The following ZSCAN9 variants were observed in gnomAD, a reference collection of about 807,000 sequenced individuals.
ZSCAN9 encodes zinc finger and SCAN domain containing 9.
Under a neutral mutation model 23.0 loss-of-function variants are expected in ZSCAN9, and 19 were observed. The observed-to-expected ratio is 0.83, with a 90% CI of 0.58 to 1.21. The LOEUF (loss-of-function observed/expected upper bound fraction) is 1.21. ZSCAN9 is among the 50% of genes most tolerant of loss of function. The pLI is 0.00. For synonymous variants in ZSCAN9, 155 were observed against 164.8 expected (o/e 0.94, Z 0.46); for missense variants, 467 against 471.5 (o/e 0.99, Z 0.09).
At chr6:28,226,486 C>T (rs1760119642) in intron 1 of ZSCAN9, among the ~76,000 whole-genome samples, 1 of 152,182 alleles carries the variant, frequency 6.6e-6, no homozygotes. Flanking sequence ...TCTGAGTGAT[C>T]GGTGCAGTCC....
Position 28,227,298 on chromosome 6 carries a change from C to T in ZSCAN9, c.214C>T (p.Arg72Ter), listed in dbSNP as rs774966792. The T allele has an allele frequency of 1.5e-5, 25 of 1,614,128 alleles. No homozygotes were observed. Among genetic ancestry groups the T allele is most frequent in the East Asian group, 6.7e-5 (3 of 44,898 alleles). Residue 72 changes from arginine (R) to a stop codon, truncating the protein, a stop_gained, in exon 2 of 4, where the codon CGA (arginine) becomes TGA (stop). Coordinates refer to ENST00000252207, the MANE Select transcript of ZSCAN9 (RefSeq NM_006299.5). LOFTEE classifies it high-confidence loss of function. ...ETPGPREALT[R>*]LQELCYQWLR... ...CCCTGGACCAAGGGAGGCTCTTACT[C>T]GACTCCAGGAACTTTGCTACCAGTG... is the stretch of plus-strand genomic sequence containing the variant.
intron 1 of ZSCAN9, chr6:28,226,792 T>A (rs1354045075): frequency 5.0e-6 from 1 of 198,342 alleles, no homozygotes; most frequent in East Asian, 1.2e-4. Flanking sequence ...AATTCCCCAT[T>A]TAAAAAAAAA....
rs989304774 is a variant in ZSCAN9 at position 28,228,088 on chromosome 6, G to A, written c.568+251G>A. 30 of 687,486 alleles carry A rather than the reference G, an allele frequency of 4.4e-5. No individual in the cohort carries two copies. In the African/African-American group the frequency reaches 4.6e-4, roughly 11 times the overall value. 42.6% of individuals were successfully genotyped at this position (687,486 alleles called of 1,614,324 possible). On this transcript the variant is annotated intron_variant, in intron 3 of 3. Transcript: ENST00000252207. ...TACATGAGGAAGGCTTTCAGGGATC[G>A]CTGTGGAGCACAGCTTCAGAGAATG...
chr6:28,232,659 G>A lies in ZSCAN9; in HGVS notation c.666G>A (p.Trp222Ter). 1 of 1,614,148 alleles carries A rather than the reference G, an allele frequency of 6.2e-7. No individual in the cohort carries two copies. The highest frequency in any genetic ancestry group is 8.5e-7 in the Non-Finnish European group (1 of 1,180,020). ...PHGKMFNEQTWEVSQQDPSHG... is the reference protein window; with the variant it reads ...PHGKMFNEQT Reference sequence around the variant, plus strand: ...GGAAAATGTTTAATGAGCAGACCTGGGAGGTATCACAGCAGGATCCCTCAC... The same window carrying A: ...GGAAAATGTTTAATGAGCAGACCTGAGAGGTATCACAGCAGGATCCCTCAC... Residue 222 changes from tryptophan to a stop codon, truncating the protein, a stop_gained, in exon 4 of 4, where the codon TGG becomes TGA. Coordinates refer to ENST00000252207, the MANE Select transcript of ZSCAN9 (RefSeq NM_006299.5). LOFTEE classifies it low-confidence loss of function (END_TRUNC).
chr6:28,227,280 C>T lies in ZSCAN9; in HGVS notation c.196C>T (p.Pro66Ser). The T allele has an allele frequency of 6.2e-7, 1 of 1,614,194 alleles. No homozygotes were observed. The highest frequency in any genetic ancestry group is 1.3e-5 in the African/African-American group (1 of 75,062). ...GCTGTGCTACCAAGAGACCCCTGGA[C>T]CAAGGGAGGCTCTTACTCGACTCCA... ...RQLCYQETPG[P>S]REALTRLQEL... Residue 66 changes from proline to serine, a missense_variant, in exon 2 of 4, where the codon CCA becomes TCA. Coordinates refer to ENST00000252207, the MANE Select transcript of ZSCAN9 (RefSeq NM_006299.5).
intron 3 of ZSCAN9, among the ~76,000 whole-genome samples, chr6:28,231,730 CAAA>C (rs57266614): frequency 9.4e-5 from 9 of 95,358 alleles, no homozygotes; most frequent in Admixed American, 1.1e-4. Flanking sequence ...GACTCCGTCT[CAAA>C]AAAAAAAAAA....
chr6:28,227,891 A>G (rs1760169852), intron 3 of ZSCAN9, 54 bp downstream of exon 3: 16 of 1,602,066 alleles, frequency 1.0e-5, no homozygotes, highest in African/African-American at 1.3e-5. Context: ...TCAAGCAAAA[A>G]CAAACAATAA....
chr6:28,230,185 T>C (rs73400590), intron 3 of ZSCAN9: 6,977 of 686,448 alleles, frequency 0.01, 118 homozygotes, highest in African/African-American at 0.06. Context: ...TTTAAAGAGA[T>C]GGGATAATAA....
In ZSCAN9 at chr6:28,232,391, A is replaced by C. The variant is rs538412226; in HGVS notation, c.569-171A>C. 2.0e-5 allele frequency among the ~76,000 whole-genome samples: 3 copies of C among 152,332 alleles called. No homozygotes were observed. In the East Asian group the frequency reaches 5.8e-4, roughly 29 times the overall value. On this transcript the variant is annotated intron_variant, in intron 3 of 3. Transcript: ENST00000252207. The stretch of plus-strand genomic sequence containing the variant: ...TCTACATGGGGATGGACTGACCTGC[A>C]TTATGCCAAAGAGGGCAAACGTTCC...
In ZSCAN9 at chr6:28,233,477, C is replaced by A; in HGVS notation, c.*299C>A. The A allele has an allele frequency of 3.5e-6, 1 of 284,066 alleles. No homozygotes were observed. The highest frequency in any genetic ancestry group is 6.5e-6 in the Non-Finnish European group (1 of 154,984). The allele number at this position is 284,066 out of a possible 1,614,324, so 17.6% of individuals were successfully genotyped here. On this transcript the variant is annotated 3_prime_UTR_variant, in exon 4 of 4. Coordinates refer to ENST00000252207, the MANE Select transcript of ZSCAN9 (RefSeq NM_006299.5). Reference sequence around the variant, plus strand: ...TAATAAATGGCACTGCCACAGCCAACATGCCTGAAAGATTTGGTATCTGTG... The same window carrying A: ...TAATAAATGGCACTGCCACAGCCAAAATGCCTGAAAGATTTGGTATCTGTG...
At chr6:28,231,165 A>G (rs575826838) in intron 3 of ZSCAN9, among the ~76,000 whole-genome samples, 4 of 152,204 alleles carry the variant, frequency 2.6e-5, no homozygotes, top group Non-Finnish European at 5.9e-5. Context: ...GATTAACAAC[A>G]ATAACTAATA....
chr6:28,229,597 G>C (rs1760228377), intron 3 of ZSCAN9, among the ~76,000 whole-genome samples: 1 of 152,146 alleles, frequency 6.6e-6, no homozygotes, highest in Non-Finnish European at 1.5e-5. Context: ...ACAACATAGT[G>C]TTTGAAATTA....
In ZSCAN9 at chr6:28,232,582, G is replaced by A. The variant is rs1178338337; in HGVS notation, c.589G>A (p.Asp197Asn). The A allele has an allele frequency of 6.2e-7, 1 of 1,613,468 alleles. No individual in the cohort carries two copies. Among genetic ancestry groups the A allele is most frequent in the African/African-American group, 1.3e-5 (1 of 74,900 alleles). Residue 197 changes from aspartate (D) to asparagine (N), a missense_variant, in exon 4 of 4, where the codon GAC (aspartate) becomes AAC (asparagine). Transcript: ENST00000252207. ...TTCAGATGAAGTAACCAAGACTGAG[G>A]ACAGAGAGTTGGTGCTAAGGAAAGA... is the stretch of plus-strand genomic sequence containing the variant. ...GETDEVTKTEDRELVLRKDCP... is the reference protein window; with the variant it reads ...GETDEVTKTENRELVLRKDCP...
rs180889793 is a variant in ZSCAN9 at position 28,232,856 on chromosome 6, G to A, written c.863G>A (p.Gly288Glu). 8 of 1,614,150 alleles carry A rather than the reference G, an allele frequency of 5.0e-6. No homozygotes were observed. In the East Asian group the frequency reaches 1.1e-4, roughly 22 times the overall value. Residue 288 changes from glycine to glutamate, a missense_variant, in exon 4 of 4, where the codon GGG (glycine) becomes GAG (glutamate). Transcript: ENST00000252207. ...AGACCTTATGAATGTAATGAATGTG[G>A]GAAAGCCTTCAGTCGAAGTTCTGGT... The part of the protein sequence containing the change: ...GERPYECNEC[G>E]KAFSRSSGLF...
rs1447910626 is a variant in ZSCAN9 at position 28,230,321 on chromosome 6, C to G, written c.569-2241C>G. 3.3e-6 allele frequency: 5 copies of G among 1,520,938 alleles called. No homozygotes were observed. In the African/African-American group the frequency reaches 6.9e-5, roughly 21 times the overall value. The allele number at this position is 1,520,938 out of a possible 1,614,324, so 94.2% of individuals were successfully genotyped here. A position where few individuals can be genotyped will look rare whatever the true frequency, so the allele number is the denominator to read the frequency against. ...TGAATTTTTATATTCTACCCAGCTC[C>G]CTTATGGATTTCAGATTTAATACGA... On this transcript the variant is annotated intron_variant, in intron 3 of 3. Coordinates refer to ENST00000252207, the MANE Select transcript of ZSCAN9 (RefSeq NM_006299.5).
At chr6:28,227,950 A>G (rs762676702) in intron 3 of ZSCAN9, 113 bp downstream of exon 3, 2 of 1,218,478 alleles carry the variant, frequency 1.6e-6, no homozygotes, top group South Asian at 1.3e-5. Context: ...ACCAGATAGC[A>G]GTAATGGTCA....
rs528768905 is a variant in ZSCAN9, at chr6:28,229,917, G to A, written c.568+2080G>A. ...CTGTCGCCCAGGCTGGAATGCAGTG[G>A]CACGATCTCGGCTCACTGCAAGCTC... On this transcript the variant is annotated intron_variant, in intron 3 of 3. Transcript: ENST00000252207. Among the ~76,000 whole-genome samples the A allele has an allele frequency of 1.2e-4, 18 of 151,492 alleles. No homozygotes were observed. In the South Asian group the frequency reaches 3.6e-3, roughly 30 times the overall value.
At chr6:28,228,152 C>T (rs1353436618) in intron 3 of ZSCAN9, 10 of 654,408 alleles carry the variant, frequency 1.5e-5, no homozygotes, top group South Asian at 5.2e-5. Flanking sequence ...ATCCTGGCAT[C>T]GCCTCATGGA....
Position 28,230,991 on chromosome 6 carries a change from T to C in ZSCAN9, c.569-1571T>C, listed in dbSNP as rs144617765. On this transcript the variant is annotated intron_variant, in intron 3 of 3. Transcript: ENST00000252207. ...GGAATGCACCTTGGATAATTGTGGA[T>C]TTGAAATTCATAAAGTATAGTAGTC... Among the ~76,000 whole-genome samples the C allele has an allele frequency of 3.0e-4, 46 of 152,242 alleles. No homozygotes were observed. In the East Asian group the frequency reaches 5.2e-3, roughly 17 times the overall value.
Sources: gnomAD v4.1 joint callset for allele counts (sites outside exome capture counted in the v4.1 genomes callset) on GRCh38, gnomAD v4.1.1 for gene constraint, MANE v1.5 for transcripts, NCBI Gene and HGNC (gene_info 2026-07-23, HGNC 2026-07-21) for gene names.